Variants in CFAP206 observed in about 807,000 individuals in gnomAD.
CFAP206 encodes cilia- and flagella-associated protein 206.
A neutral mutation model predicts 65.4 loss-of-function variants in CFAP206; 53 were observed. That is an observed-to-expected ratio of 0.81 (90% CI 0.65 to 1.02). The LOEUF (loss-of-function observed/expected upper bound fraction) is 1.02, where lower values mean the gene tolerates loss of function less well. Ranked by LOEUF, CFAP206 falls within the 50% of genes least tolerant of loss-of-function variation. The pLI is 0.00. For synonymous variants in CFAP206, 250 were observed against 254.4 expected (o/e 0.98, Z 0.17); for missense variants, 663 against 753.2 (o/e 0.88, Z 1.40).
At chr6:87,424,549 T>C (rs1768004903) in intron 7 of CFAP206, among the ~76,000 whole-genome samples, 1 of 152,194 alleles carries the variant, frequency 6.6e-6, no homozygotes. Context: ...AGTGCTGGGA[T>C]TACAGGCGTG....
chr6:87,411,763 A>C (rs1016248756), intron 3 of CFAP206, among the ~76,000 whole-genome samples: 6 of 152,180 alleles, frequency 3.9e-5, no homozygotes, highest in African/African-American at 1.4e-4. Context: ...CATTTATTGA[A>C]TAGGATGTCA....
rs772061784 is a variant in CFAP206 at position 87,461,123 on chromosome 6, T to C, written c.1596T>C (p.Tyr532=). 3.8e-6 allele frequency: 6 copies of C among 1,580,558 alleles called. No homozygotes were observed. Among genetic ancestry groups the C allele is most frequent in the Non-Finnish European group, 5.1e-6 (6 of 1,168,814 alleles). ...HILPPTIVRS[Y]EWNEWELRRK... The stretch of plus-strand genomic sequence containing the variant: ...TGCCACCAACGATTGTGAGATCATA[T>C]GAGTGGAATGAATGGGAATTAAGAA... Residue 532 remains tyrosine, a synonymous_variant, in exon 12 of 13, where the codon TAT becomes TAC. Transcript: ENST00000369562.
At chr6:87,426,928 A>G (rs1768053037) in intron 8 of CFAP206, among the ~76,000 whole-genome samples, 1 of 152,162 alleles carries the variant, frequency 6.6e-6, no homozygotes, top group Non-Finnish European at 1.5e-5. Flanking sequence ...CTGTGGTTGA[A>G]AATGTATTCA....
intron 3 of CFAP206, among the ~76,000 whole-genome samples, chr6:87,412,203 CAT>C (rs1562242635): frequency 6.6e-6 from 1 of 152,166 alleles, no homozygotes; most frequent in African/African-American, 2.4e-5. Flanking sequence ...AACTAAAAAT[CAT>C]GTGGATGAGC....
At chr6:87,442,254 G>C (rs547658471) in intron 11 of CFAP206, 5 of 153,196 alleles carry the variant, frequency 3.3e-5, no homozygotes, top group Non-Finnish European at 5.9e-5. Flanking sequence ...TTACATTCTG[G>C]TTCCTTTTTT....
At chr6:87,446,231 C>A (rs1768438978) in intron 11 of CFAP206, among the ~76,000 whole-genome samples, 1 of 152,114 alleles carries the variant, frequency 6.6e-6, no homozygotes, top group Non-Finnish European at 1.5e-5. Flanking sequence ...TCAGTTTTTG[C>A]TTTTGTTGCT....
chr6:87,433,324 A>G (rs1446540880), intron 10 of CFAP206, among the ~76,000 whole-genome samples: 3 of 152,190 alleles, frequency 2.0e-5, no homozygotes, highest in Non-Finnish European at 2.9e-5. Flanking sequence ...GTTATCTTCT[A>G]TAGCCTTAGC....
chr6:87,428,366 A>C (rs1461612487), intron 8 of CFAP206, among the ~76,000 whole-genome samples: 1 of 151,490 alleles, frequency 6.6e-6, no homozygotes. Context: ...TTAGGTGATC[A>C]CATGTGTTTG....
intron 11 of CFAP206, chr6:87,442,160 GAGAACA>G (rs1485389483): frequency 6.4e-6 from 1 of 155,794 alleles, no homozygotes; most frequent in African/African-American, 2.4e-5. Flanking sequence ...CGTGAGACTA[GAGAACA>G]ATCAACAACC....
chr6:87,418,396 G>A lies in CFAP206; in HGVS notation c.820G>A (p.Val274Ile). The A allele has an allele frequency of 6.2e-7, 1 of 1,606,380 alleles. No homozygotes were observed. Among genetic ancestry groups the A allele is most frequent in the Non-Finnish European group, 8.5e-7 (1 of 1,173,228 alleles). The change falls in exon 7 of 13, where the codon GTC (valine) becomes ATC (isoleucine). Residue 274 changes from valine to isoleucine, a missense_variant. Val to Ile is a conservative substitution (Grantham distance 29). Transcript: ENST00000369562. ...EALYNIRQYE[V>I]FLQIILSDII... ...GCTATATAATATACGACAATATGAG[G>A]TCTTCCTTCAGATCATTTTGGTGAG...
chr6:87,444,616 G>A (rs921946339), intron 11 of CFAP206: 1 of 311,172 alleles, frequency 3.2e-6, no homozygotes, highest in Non-Finnish European at 6.2e-6. Flanking sequence ...ACATTAACAG[G>A]CCTTCCCACA....
intron 3 of CFAP206, 93 bp from the exon 4 acceptor site, chr6:87,413,717 T>G: frequency 1.3e-6 from 1 of 773,254 alleles, no homozygotes; most frequent in Non-Finnish European, 2.1e-6. Flanking sequence ...CAGGAACCAC[T>G]GCTTTTCCCT....
At chr6:87,456,984 C>T (rs1408528481) in intron 11 of CFAP206, among the ~76,000 whole-genome samples, 1 of 151,764 alleles carries the variant, frequency 6.6e-6, no homozygotes, top group Non-Finnish European at 1.5e-5. Context: ...CCCGTCTCTA[C>T]TAAAAATACA....
At chr6:87,422,832 A>G (rs1767968090) in intron 7 of CFAP206, among the ~76,000 whole-genome samples, 1 of 152,120 alleles carries the variant, frequency 6.6e-6, no homozygotes, top group African/African-American at 2.4e-5. Context: ...TAAGTAGAGT[A>G]ATTTCTAGGA....
At chr6:87,424,777 TATA>T (rs1442995330) in intron 7 of CFAP206, among the ~76,000 whole-genome samples, 7 of 152,248 alleles carry the variant, frequency 4.6e-5, no homozygotes, top group African/African-American at 1.7e-4. Flanking sequence ...AGTGTTGATT[TATA>T]ATGTTTGTGT....
At chr6:87,413,747 T>C (rs867782468) in intron 3 of CFAP206, 63 bp from the exon 4 acceptor site, 6 of 964,454 alleles carry the variant, frequency 6.2e-6, no homozygotes, top group Middle Eastern at 2.1e-4. Flanking sequence ...AAAATAACTT[T>C]AGGAAATACT....
In CFAP206 at chr6:87,417,985, G is replaced by A. The variant is rs112359945; in HGVS notation, c.632-223G>A. On this transcript the variant is annotated intron_variant, in intron 6 of 12. Transcript: ENST00000369562. ...AATCTCTTGACCTCGTGATCCGCCC[G>A]CCTCGGCCTCCCAAAGTGCTAGGAT... Among the ~76,000 whole-genome samples, 521 of 151,800 alleles carry A rather than the reference G, an allele frequency of 3.4e-3. 2 individuals carry two copies. Among genetic ancestry groups the A allele is most frequent in the African/African-American group, 0.012 (497 of 41,392 alleles).
At chr6:87,419,033 G>A (rs1015610834) in intron 7 of CFAP206, among the ~76,000 whole-genome samples, 1 of 151,682 alleles carries the variant, frequency 6.6e-6, no homozygotes, top group East Asian at 1.9e-4. Context: ...GATCACTTGA[G>A]CCCAGGAGGC....
At chr6:87,452,922 A>C (rs193251218) in intron 11 of CFAP206, among the ~76,000 whole-genome samples, 1 of 152,130 alleles carries the variant, frequency 6.6e-6, no homozygotes, top group African/African-American at 2.4e-5. Context: ...ATTCAAAGAG[A>C]TATTAACAAA....
Sources: allele counts gnomAD v4.1 joint callset (sites outside exome capture counted in the v4.1 genomes callset), GRCh38; gene constraint gnomAD v4.1.1; transcripts MANE v1.5; gene names NCBI Gene and HGNC (gene_info 2026-07-23, HGNC 2026-07-21).